PRDM1: variants seen among roughly 807,000 people sequenced by gnomAD.
PRDM1 encodes PR/SET domain 1.
A neutral mutation model predicts 62.8 loss-of-function variants in PRDM1; 13 were observed. That is an observed-to-expected ratio of 0.21 (90% CI 0.13 to 0.33). The LOEUF (loss-of-function observed/expected upper bound fraction) is 0.33. Ranked by LOEUF, PRDM1 falls within the 10% of genes least tolerant of loss-of-function variation. The pLI, the probability that PRDM1 is intolerant of heterozygous loss-of-function variation, is 1.00. For synonymous variants in PRDM1, 396 were observed against 417.6 expected, an observed-to-expected ratio of 0.95 and a Z score of 0.63; for missense variants, 895 against 1,058.8, an observed-to-expected ratio of 0.85 and a Z score of 2.15.
At chr6:106,026,043 A>C (rs781521023) in intron 1 of PRDM1, among the ~76,000 whole-genome samples, 11 of 152,246 alleles carry the variant, frequency 7.2e-5, no homozygotes, top group Non-Finnish European at 1.6e-4. Context: ...AGAGGTACTT[A>C]GGATGGTTTA....
At chr6:106,018,966 G>A (rs1241688177) in intron 1 of PRDM1, among the ~76,000 whole-genome samples, 1 of 151,958 alleles carries the variant, frequency 6.6e-6, no homozygotes, top group Non-Finnish European at 1.5e-5. Context: ...TGATATAGTG[G>A]GGTTTTATAT....
chr6:106,030,598 A>AT (rs753439114), intron 1 of PRDM1, among the ~76,000 whole-genome samples: 1 of 152,086 alleles, frequency 6.6e-6, no homozygotes, highest in Non-Finnish European at 1.5e-5. Context: ...TATCTAAAAA[A>AT]CTGGCTGAGT....
Position 106,107,514 on chromosome 6 carries a change from CT to C in PRDM1, c.*30del, listed in dbSNP as rs745932924. On this transcript the variant is annotated 3_prime_UTR_variant, in exon 7 of 7. Transcript: ENST00000369096. ...TTTTCAGAAAACACTTATTTTGTTT[CT>C]TAAGTTATGACTTGGTGAGTCAGGG... The C allele has an allele frequency of 1.9e-6, 3 of 1,559,694 alleles. No individual in the cohort carries two copies. In the South Asian group the frequency reaches 3.6e-5, roughly 19 times the overall value.
chr6:106,104,815 T>C lies in PRDM1; in HGVS notation c.665-10T>C. 6.2e-7 allele frequency: 1 copy of C among 1,601,872 alleles called. No individual in the cohort carries two copies. Among genetic ancestry groups the C allele is most frequent in the African/African-American group, 1.4e-5 (1 of 73,876 alleles). Reference sequence around the variant, plus strand: ...CCCTCTGTGTAATCGCCCCTTTTTCTTTATTTCAGCACAAACACAGAGCAG... The same window carrying C: ...CCCTCTGTGTAATCGCCCCTTTTTCCTTATTTCAGCACAAACACAGAGCAG... On this transcript the variant is annotated splice_polypyrimidine_tract_variant and intron_variant, in intron 4 of 6. Coordinates refer to ENST00000369096, the MANE Select transcript of PRDM1 (RefSeq NM_001198.4).
chr6:106,109,091 C>CAAA lies in PRDM1; in HGVS notation c.*1625_*1627dup, dbSNP rs36077280. On this transcript the variant is annotated 3_prime_UTR_variant, in exon 7 of 7. Coordinates refer to ENST00000369096, the MANE Select transcript of PRDM1 (RefSeq NM_001198.4). ...GTAAAAGATCTACTTTTTCTAAGGG[C>CAAA]AAAAAAAAAAAAAAAAAAAAAAGAA... 473 of 121,648 alleles carry CAAA rather than the reference C, an allele frequency of 3.9e-3. 15 individuals carry two copies. The highest frequency in any genetic ancestry group is 0.019 in the Middle Eastern group (5 of 258). 7.5% of individuals were successfully genotyped at this position (121,648 alleles called of 1,614,324 possible). A position where few individuals can be genotyped will look rare whatever the true frequency, so the allele number is the denominator to read the frequency against.
intron 1 of PRDM1, among the ~76,000 whole-genome samples, chr6:106,056,203 C>T (rs906442670): frequency 1.3e-5 from 2 of 152,136 alleles, no homozygotes; most frequent in African/African-American, 4.8e-5. Context: ...CCCAGCAGGA[C>T]TTGGGCTACT....
intron 1 of PRDM1, among the ~76,000 whole-genome samples, chr6:106,033,647 G>C (rs976050916): frequency 2.0e-5 from 3 of 152,024 alleles, no homozygotes; most frequent in Admixed American, 2.0e-4. Context: ...GAATTCATTT[G>C]CTAGTATATA....
At position 106,020,182 on chromosome 6, in the gene PRDM1, C is replaced by CAA. The variant is rs371335498; in HGVS notation, c.-67+26557_-67+26558dup. ...GGGGAAATAGAACGAGACTCTGTCT[C>CAA]AAAAAAAAAAAAAAACCCACAAACA... On this transcript the variant is annotated intron_variant, in intron 1 of 6. Transcript: ENST00000652320. Among the ~76,000 whole-genome samples, 347 of 102,594 alleles carry CAA rather than the reference C, an allele frequency of 3.4e-3. 1 individual carries two copies. The highest frequency in any genetic ancestry group is 0.026 in the Middle Eastern group (5 of 194). The allele number at this position is 102,594 out of a possible 152,430, so 67.3% of individuals were successfully genotyped here.
At chr6:106,089,577 T>C (rs777641297) in intron 2 of PRDM1, among the ~76,000 whole-genome samples, 1 of 152,220 alleles carries the variant, frequency 6.6e-6, no homozygotes, top group Non-Finnish European at 1.5e-5. Flanking sequence ...AGAACAACGA[T>C]GCTCAGTCTT....
At chr6:106,092,678 TA>T (rs1451849916) in intron 2 of PRDM1, among the ~76,000 whole-genome samples, 1 of 152,178 alleles carries the variant, frequency 6.6e-6, no homozygotes, top group Non-Finnish European at 1.5e-5. Context: ...GAGGGAGACT[TA>T]GTACTTGGTT....
chr6:106,002,511 A>G (rs537817599), intron 1 of PRDM1, among the ~76,000 whole-genome samples: 4 of 152,330 alleles, frequency 2.6e-5, no homozygotes, highest in African/African-American at 9.6e-5. Flanking sequence ...TCCTTAAGGC[A>G]TCTAATATTA....
chr6:106,014,556 T>G (rs938257047), intron 1 of PRDM1, among the ~76,000 whole-genome samples: 4 of 151,810 alleles, frequency 2.6e-5, no homozygotes, highest in Non-Finnish European at 5.9e-5. Context: ...ATATATGATC[T>G]ACGTTTAATC....
At chr6:106,100,571 A>G (rs1235530493) in intron 4 of PRDM1, 1 of 152,248 alleles carries the variant, frequency 6.6e-6, no homozygotes, top group Non-Finnish European at 1.5e-5. Flanking sequence ...GACATTTGGA[A>G]TAAATATCAA....
At chr6:105,996,438 A>T (rs1363608110) in intron 1 of PRDM1, among the ~76,000 whole-genome samples, 1 of 152,164 alleles carries the variant, frequency 6.6e-6, no homozygotes, top group Admixed American at 6.5e-5. Flanking sequence ...TTGGCATGGC[A>T]TCATGACTTC....
chr6:106,092,059 A>G (rs1311813578), intron 2 of PRDM1, among the ~76,000 whole-genome samples: 1 of 149,812 alleles, frequency 6.7e-6, no homozygotes, highest in African/African-American at 2.5e-5. Flanking sequence ...TGACATTTAG[A>G]CTTGGATATA....
chr6:106,092,088 C>T (rs1046681808), intron 2 of PRDM1, among the ~76,000 whole-genome samples: 21 of 148,340 alleles, frequency 1.4e-4, no homozygotes, highest in African/African-American at 4.7e-4. Flanking sequence ...TTCAAACCCA[C>T]GCTGTGTGTG....
chr6:106,050,883 A>G (rs12660479), intron 1 of PRDM1, among the ~76,000 whole-genome samples: 1 of 152,232 alleles, frequency 6.6e-6, no homozygotes, highest in Non-Finnish European at 1.5e-5. Context: ...TTAAAAAGGC[A>G]TATCCTTAAT....
At chr6:106,063,492 T>C (rs192940387) in intron 1 of PRDM1, among the ~76,000 whole-genome samples, 3 of 152,346 alleles carry the variant, frequency 2.0e-5, no homozygotes, top group Non-Finnish European at 4.4e-5. Flanking sequence ...CTGCCCTGTG[T>C]GATACATATT....
At chr6:106,013,171 AT>A (rs1355200499) in intron 1 of PRDM1, among the ~76,000 whole-genome samples, 1 of 152,026 alleles carries the variant, frequency 6.6e-6, no homozygotes, top group East Asian at 1.9e-4. Flanking sequence ...GGTGTGAGCC[AT>A]CATGCCTGGC....
Sources: gnomAD v4.1 joint callset for allele counts (sites outside exome capture counted in the v4.1 genomes callset) on GRCh38, gnomAD v4.1.1 for gene constraint, MANE v1.5 for transcripts, NCBI Gene and HGNC (gene_info 2026-07-23, HGNC 2026-07-21) for gene names.